The following EXOC4 variants were observed in gnomAD, a reference collection of about 807,000 sequenced individuals.
EXOC4 encodes the protein SEC8-like 1.
Under a neutral mutation model 107.2 loss-of-function variants are expected in EXOC4, and 71 were observed. That is an observed-to-expected ratio of 0.66 (90% CI 0.55 to 0.81). The LOEUF (loss-of-function observed/expected upper bound fraction) is 0.81, where lower values mean the gene tolerates loss of function less well. EXOC4 is among the 30% of genes least tolerant of loss of function. The probability of loss-of-function intolerance (pLI) is 0.00; values close to 1 mark genes in which losing one functional copy is unlikely to be tolerated. For missense variants in EXOC4, 1,108 were observed against 1,189.6 expected (o/e 0.93, Z 1.01); for synonymous variants, 456 against 441.2 (o/e 1.03, Z -0.42).
chr7:133,511,789 C>G (rs1002296915), intron 9 of EXOC4, among the ~76,000 whole-genome samples: 3 of 152,022 alleles, frequency 2.0e-5, no homozygotes, highest in Admixed American at 6.6e-5. Flanking sequence ...AACCACAGTG[C>G]AGCATTCTTA....
At chr7:133,454,730 C>G (rs549889842) in intron 7 of EXOC4, among the ~76,000 whole-genome samples, 3 of 152,164 alleles carry the variant, frequency 2.0e-5, no homozygotes, top group Non-Finnish European at 4.4e-5. Flanking sequence ...CCTCCCTTAT[C>G]CGTGTGGGAT....
intron 7 of EXOC4, among the ~76,000 whole-genome samples, chr7:133,448,740 C>G (rs1798275122): frequency 6.6e-6 from 1 of 152,164 alleles, no homozygotes; most frequent in South Asian, 2.1e-4. Flanking sequence ...TTTGCAGATG[C>G]AGTCAAATTA....
chr7:133,614,397 A>C (rs894029068), intron 9 of EXOC4, among the ~76,000 whole-genome samples: 4 of 152,116 alleles, frequency 2.6e-5, no homozygotes, highest in African/African-American at 9.7e-5. Context: ...TTGTCCCTGA[A>C]GTCAGGAATC....
chr7:134,007,833 A>C lies in EXOC4; in HGVS notation c.2685A>C (p.Ala895=). The C allele has an allele frequency of 3.1e-6, 5 of 1,611,362 alleles. No individual in the cohort carries two copies. Among genetic ancestry groups the C allele is most frequent in the Non-Finnish European group, 4.2e-6 (5 of 1,178,540 alleles). The change falls in exon 17 of 18, where the codon GCA becomes GCC. Residue 895 remains alanine (A), a splice_region_variant and synonymous_variant. Coordinates refer to ENST00000253861, the MANE Select transcript of EXOC4 (RefSeq NM_021807.4). ...CGCGGGAGGCAGACCTGGACTTTGC[A>C]AGGTAGGAGGGAAAACTGGGTTTAG... The part of the protein sequence containing the change: ...TMSREADLDF[A]RQYYEMLYNT...
chr7:134,078,889 T>TA, the EXOC4 span, among the ~76,000 whole-genome samples: 1 of 152,200 alleles, frequency 6.6e-6, no homozygotes, highest in Non-Finnish European at 1.5e-5. Context: ...ATCATTTTCT[T>TA]AGATTTTCAT....
chr7:133,280,891 C>T (rs1193865475), intron 2 of EXOC4, among the ~76,000 whole-genome samples: 1 of 152,082 alleles, frequency 6.6e-6, no homozygotes, highest in African/African-American at 2.4e-5. Context: ...GGGAAGAAGG[C>T]CTTTGGTTTC....
chr7:133,263,621 A>G (rs866698107), intron 1 of EXOC4, among the ~76,000 whole-genome samples: 4 of 151,972 alleles, frequency 2.6e-5, no homozygotes, highest in Admixed American at 6.6e-5. Context: ...GCCTCAAGCA[A>G]TCTGCCTGCC....
chr7:133,735,493 T>C (rs923884162), intron 10 of EXOC4, among the ~76,000 whole-genome samples: 2 of 152,110 alleles, frequency 1.3e-5, no homozygotes, highest in East Asian at 1.9e-4. Context: ...GAAGATTATG[T>C]ACCTGCCTCA....
intron 10 of EXOC4, among the ~76,000 whole-genome samples, chr7:133,679,782 T>C (rs1238234535): frequency 6.6e-6 from 1 of 152,246 alleles, no homozygotes; most frequent in African/African-American, 2.4e-5. Context: ...TGCAGAACAC[T>C]GTAGAATGTT....
intron 10 of EXOC4, among the ~76,000 whole-genome samples, chr7:133,758,511 A>G (rs1472625588): frequency 1.3e-5 from 2 of 152,220 alleles, no homozygotes; most frequent in Non-Finnish European, 2.9e-5. Flanking sequence ...GGACAGAAAG[A>G]TGATTAAAGG....
chr7:133,972,911 C>G (rs979901242), intron 14 of EXOC4, among the ~76,000 whole-genome samples: 2 of 152,226 alleles, frequency 1.3e-5, no homozygotes, highest in Non-Finnish European at 2.9e-5. Flanking sequence ...GCTGAGGGAA[C>G]AGACAGATAC....
chr7:133,412,802 G>T (rs1797392670), intron 7 of EXOC4, among the ~76,000 whole-genome samples: 1 of 152,068 alleles, frequency 6.6e-6, no homozygotes, highest in Non-Finnish European at 1.5e-5. Context: ...TGGGAGAAAT[G>T]AAGTTTGAGG....
At chr7:133,980,561 G>C (rs1793957337) in intron 14 of EXOC4, among the ~76,000 whole-genome samples, 1 of 152,204 alleles carries the variant, frequency 6.6e-6, no homozygotes. Context: ...AAAAGAAATG[G>C]TTGTCAATCC....
intron 3 of EXOC4, among the ~76,000 whole-genome samples, chr7:133,302,811 G>T (rs1160663458): frequency 1.3e-5 from 2 of 151,966 alleles, no homozygotes; most frequent in South Asian, 4.1e-4. Flanking sequence ...TAATCCAACT[G>T]TGTCTCTTTA....
chr7:133,259,092 G>T (rs1207535438), intron 1 of EXOC4, among the ~76,000 whole-genome samples: 2 of 151,858 alleles, frequency 1.3e-5, no homozygotes, highest in East Asian at 3.9e-4. Flanking sequence ...CTGTTTTTCA[G>T]GTTTTCGTAT....
chr7:133,430,359 G>T lies in EXOC4; in HGVS notation c.1183-44969G>T, dbSNP rs187690456. ...GTTTTGGAAAAAGCAACATTTGAGC[G>T]GGAAAACGGGATAACTCTTCTCATT... On this transcript the variant is annotated intron_variant, in intron 7 of 17. Transcript: ENST00000253861. Among the ~76,000 whole-genome samples the T allele has an allele frequency of 2.9e-4, 44 of 152,256 alleles. No individual in the cohort carries two copies. The East Asian group carries it at 7.0e-3, about 24-fold the overall frequency.
chr7:133,350,470 A>G (rs1795883745), intron 5 of EXOC4, among the ~76,000 whole-genome samples: 1 of 152,064 alleles, frequency 6.6e-6, no homozygotes, highest in South Asian at 2.1e-4. Context: ...GCCAAAAATC[A>G]TTTGACTGTG....
At chr7:133,880,110 G>A (rs983574517) in intron 11 of EXOC4, among the ~76,000 whole-genome samples, 13 of 151,998 alleles carry the variant, frequency 8.6e-5, no homozygotes, top group Admixed American at 1.3e-4. Context: ...AAACCTCCCC[G>A]TCCTCCAGAT....
At chr7:133,338,586 C>T (rs1475673564) in intron 5 of EXOC4, among the ~76,000 whole-genome samples, 5 of 101,910 alleles carry the variant, frequency 4.9e-5, no homozygotes, top group Admixed American at 3.3e-4. Flanking sequence ...GGCGCCAGAG[C>T]GAGACTCCGT....
Sources: gnomAD v4.1 joint callset for allele counts (sites outside exome capture counted in the v4.1 genomes callset) on GRCh38, gnomAD v4.1.1 for gene constraint, MANE v1.5 for transcripts, NCBI Gene and HGNC (gene_info 2026-07-23, HGNC 2026-07-21) for gene names.